Variants in GLIPR1L2 observed in about 807,000 individuals in gnomAD.
GLIPR1L2 encodes GLIPR1-like protein 2.
Under a neutral mutation model 28.4 loss-of-function variants are expected in GLIPR1L2, and 21 were observed. That is an observed-to-expected ratio of 0.74 (90% CI 0.52 to 1.06). The LOEUF (loss-of-function observed/expected upper bound fraction) is 1.06. Ranked by LOEUF, GLIPR1L2 falls within the 50% of genes least tolerant of loss-of-function variation. GLIPR1L2 has a pLI of 0.00. For missense variants in GLIPR1L2, 476 were observed against 416.9 expected (o/e 1.14, Z -1.23); for synonymous variants, 145 against 139.3 (o/e 1.04, Z -0.29).
In GLIPR1L2 at chr12:75,413,689, A is replaced by C; in HGVS notation, c.572A>C (p.Asn191Thr). 1 of 1,474,554 alleles carries C rather than the reference A, an allele frequency of 6.8e-7. No individual in the cohort carries two copies. The highest frequency in any genetic ancestry group is 9.1e-7 in the Non-Finnish European group (1 of 1,097,310). The allele number at this position is 1,474,554 out of a possible 1,614,324, so 91.3% of individuals were successfully genotyped here. The change falls in exon 3 of 6, where the codon AAC (asparagine) becomes ACC (threonine). Residue 191 changes from asparagine to threonine, a missense_variant. Physicochemically the swap from Asn to Thr is moderately conservative, Grantham distance 65. Coordinates refer to ENST00000550916, the MANE Select transcript of GLIPR1L2 (RefSeq NM_001270396.2). ...HIIHAAIFIC[N>T]YAPGGTLTRR... is the part of the protein sequence containing the mutation. ...ATACATGCAGCAATTTTCATATGCA[A>C]CTATGCGCCAGGGTAAGTTACTTAA... is the stretch of plus-strand genomic sequence containing the variant.
At chr12:75,421,981 TTTTATTTC>T (rs4019357) in intron 3 of GLIPR1L2, among the ~76,000 whole-genome samples, 52,259 of 150,282 alleles carry the variant, frequency 0.35, 9,414 homozygotes, top group East Asian at 0.46. Context: ...TATTTTTAAA[TTTTATTTC>T]TTTATTTCTT....
intron 1 of GLIPR1L2, among the ~76,000 whole-genome samples, chr12:75,397,505 A>G (rs1435463659): frequency 1.3e-5 from 2 of 152,112 alleles, no homozygotes; most frequent in Non-Finnish European, 2.9e-5. Flanking sequence ...AGAGTCCCAT[A>G]TTGTCCAAAT....
At chr12:75,416,148 TAATC>T (rs1421863845) in intron 3 of GLIPR1L2, among the ~76,000 whole-genome samples, 6 of 152,092 alleles carry the variant, frequency 3.9e-5, no homozygotes, top group African/African-American at 7.2e-5. Flanking sequence ...TTGAATAAAA[TAATC>T]AAGCAACACT....
chr12:75,423,097 C>A (rs2045995702), intron 4 of GLIPR1L2, 108 bp downstream of exon 4: 1 of 1,585,212 alleles, frequency 6.3e-7, no homozygotes. Flanking sequence ...TTCCTTTGAT[C>A]AGAATGCTAC....
chr12:75,411,749 A>T (rs796595689), intron 2 of GLIPR1L2, among the ~76,000 whole-genome samples: 4 of 152,060 alleles, frequency 2.6e-5, no homozygotes, highest in African/African-American at 7.2e-5. Context: ...TCACCTTTTT[A>T]ATGTGTCTCT....
intron 3 of GLIPR1L2, among the ~76,000 whole-genome samples, chr12:75,422,527 C>T (rs557842793): frequency 6.6e-6 from 1 of 152,190 alleles, no homozygotes; most frequent in African/African-American, 2.4e-5. Context: ...TGGTCTCGAT[C>T]TCCTGACATT....
Position 75,430,735 on chromosome 12 carries a change from G to A in GLIPR1L2, c.691G>A (p.Ala231Thr). Reference protein sequence around the residue: ...FLCSNADRDQATYYRFWYPKW... With the variant: ...FLCSNADRDQTTYYRFWYPKW... ...TCTAGGTAATGCAGATCGTGACCAA[G>A]CCACATGTATGTATTGTTGTCCTTT... Residue 231 changes from alanine to threonine, a missense_variant, in exon 5 of 6, where the codon GCC becomes ACC. Coordinates refer to ENST00000550916, the MANE Select transcript of GLIPR1L2 (RefSeq NM_001270396.2). 3 of 1,534,900 alleles carry A rather than the reference G, an allele frequency of 2.0e-6. No homozygotes were observed. Among genetic ancestry groups the A allele is most frequent in the South Asian group, 2.4e-5 (2 of 83,660 alleles).
intron 3 of GLIPR1L2, 73 bp downstream of exon 3, chr12:75,413,774 A>G: frequency 4.6e-6 from 3 of 655,898 alleles, no homozygotes; most frequent in Non-Finnish European, 7.5e-6. Context: ...AACTTTTAAT[A>G]TATTTTTATA....
In GLIPR1L2 at chr12:75,408,085, T is replaced by G. The variant is rs543200146; in HGVS notation, c.235-2349T>G. Among the ~76,000 whole-genome samples the G allele has an allele frequency of 7.9e-5, 12 of 152,146 alleles. No individual in the cohort carries two copies. The East Asian group carries it at 2.1e-3, about 27-fold the overall frequency. ...TACAAATTAGAGTATGGATTCAGCTTTTCTAGCTAAACAAAGAGTAATGGC... is the reference window on the plus strand; with the variant it reads ...TACAAATTAGAGTATGGATTCAGCTGTTCTAGCTAAACAAAGAGTAATGGC... On this transcript the variant is annotated intron_variant, in intron 1 of 5. Coordinates refer to ENST00000550916, the MANE Select transcript of GLIPR1L2 (RefSeq NM_001270396.2).
chr12:75,425,530 T>A (rs893359277), intron 4 of GLIPR1L2, among the ~76,000 whole-genome samples: 1 of 152,142 alleles, frequency 6.6e-6, no homozygotes, highest in African/African-American at 2.4e-5. Context: ...CTGAGCACGG[T>A]GGGAGGGTGT....
chr12:75,409,576 TATACACACACAC>T (rs2045840401), intron 1 of GLIPR1L2, among the ~76,000 whole-genome samples: 2 of 146,600 alleles, frequency 1.4e-5, no homozygotes, highest in South Asian at 4.2e-4. Context: ...TATATATATA[TATACACACACAC>T]ATATATATAT....
intron 4 of GLIPR1L2, among the ~76,000 whole-genome samples, chr12:75,425,354 A>C (rs1226864838): frequency 6.6e-6 from 1 of 152,120 alleles, no homozygotes; most frequent in East Asian, 1.9e-4. Flanking sequence ...AAGCCAGTAA[A>C]GGGGGCATCC....
In GLIPR1L2 at chr12:75,431,270, A is replaced by T; in HGVS notation, c.*109A>T. 1 of 586,824 alleles carries T rather than the reference A, an allele frequency of 1.7e-6. No homozygotes were observed. Among genetic ancestry groups the T allele is most frequent in the Non-Finnish European group, 3.0e-6 (1 of 333,028 alleles). The allele number at this position is 586,824 out of a possible 1,614,324, so 36.4% of individuals were successfully genotyped here. A position where few individuals can be genotyped will look rare whatever the true frequency, so the allele number is the denominator to read the frequency against. On this transcript the variant is annotated 3_prime_UTR_variant, in exon 6 of 6. Coordinates refer to ENST00000550916, the MANE Select transcript of GLIPR1L2 (RefSeq NM_001270396.2). ...AAACACTGAGTTTTAACAAGAAAGA[A>T]AATATGCAAACCACCATTGGAATGT...
chr12:75,420,348 C>G (rs965279305), intron 3 of GLIPR1L2, among the ~76,000 whole-genome samples: 2 of 152,174 alleles, frequency 1.3e-5, no homozygotes, highest in African/African-American at 4.8e-5. Flanking sequence ...GAATTGTGCT[C>G]TCATTTTGAA....
At chr12:75,407,777 T>G (rs1441708555) in intron 1 of GLIPR1L2, among the ~76,000 whole-genome samples, 4 of 152,078 alleles carry the variant, frequency 2.6e-5, no homozygotes, top group Non-Finnish European at 5.9e-5. Context: ...TGCATTTATT[T>G]GTGAATGGAT....
intron 3 of GLIPR1L2, 96 bp from the exon 4 acceptor site, chr12:75,422,808 T>C: frequency 1.9e-6 from 2 of 1,026,752 alleles, no homozygotes; most frequent in Non-Finnish European, 2.9e-6. Flanking sequence ...AACCCGCCTT[T>C]TTAACCTGAT....
intron 3 of GLIPR1L2, among the ~76,000 whole-genome samples, chr12:75,416,939 T>G (rs2045928767): frequency 6.6e-6 from 1 of 152,056 alleles, no homozygotes; most frequent in Non-Finnish European, 1.5e-5. Flanking sequence ...TAAGGATAGT[T>G]GGTAGAAAAA....
At position 75,430,343 on chromosome 12, in the gene GLIPR1L2, A is replaced by T. The variant is rs567528693; in HGVS notation, c.671-372A>T. Reference sequence around the variant, plus strand: ...GGAAAGTGAATAGATTTCTAAGATTAATTAGGAGTTATCTGTGGGGGCAAA... The same window carrying T: ...GGAAAGTGAATAGATTTCTAAGATTTATTAGGAGTTATCTGTGGGGGCAAA... On this transcript the variant is annotated intron_variant, in intron 4 of 5. Transcript: ENST00000550916. Among the ~76,000 whole-genome samples the T allele has an allele frequency of 3.9e-5, 6 of 152,338 alleles. No homozygotes were observed. The South Asian group carries it at 1.2e-3, about 32-fold the overall frequency.
At chr12:75,427,978 TA>T (rs1483210161) in intron 4 of GLIPR1L2, among the ~76,000 whole-genome samples, 2 of 152,152 alleles carry the variant, frequency 1.3e-5, no homozygotes, top group Non-Finnish European at 2.9e-5. Context: ...GAAAATCAAC[TA>T]ATACATGAAA....
Sources: allele counts gnomAD v4.1 joint callset (sites outside exome capture counted in the v4.1 genomes callset), GRCh38; gene constraint gnomAD v4.1.1; transcripts MANE v1.5; gene names NCBI Gene and HGNC (gene_info 2026-07-23, HGNC 2026-07-21).